C10orf90: variants seen among roughly 807,000 people sequenced by gnomAD.
C10orf90 encodes the protein chromosome 10 open reading frame 90.
A neutral mutation model predicts 62.5 loss-of-function variants in C10orf90; 56 were observed. The observed-to-expected ratio is 0.90, with a 90% confidence interval of 0.72 to 1.12. The LOEUF is 1.12. Among genes scored for constraint, C10orf90 ranks in the 50% most tolerant of loss-of-function variants. The pLI, the probability that C10orf90 is intolerant of heterozygous loss-of-function variation, is 0.00. For missense variants in C10orf90, 970 were observed against 880.4 expected (o/e 1.10, Z -1.29); for synonymous variants, 386 against 340.4 (o/e 1.13, Z -1.47).
At chr10:126,491,689 C>T (rs1861782129) in intron 4 of C10orf90, among the ~76,000 whole-genome samples, 2 of 152,110 alleles carry the variant, frequency 1.3e-5, no homozygotes. Context: ...ATTCAAGTTG[C>T]GTGAGAATTT....
chr10:126,555,680 G>A (rs199581782), intron 2 of C10orf90, among the ~76,000 whole-genome samples: 2 of 136,468 alleles, frequency 1.5e-5, no homozygotes, highest in East Asian at 4.3e-4. Flanking sequence ...CTCTATCTCA[G>A]TAAATAAATA....
intron 7 of C10orf90, 108 bp downstream of exon 7, chr10:126,458,932 G>A (rs140181291): frequency 3.9e-4 from 462 of 1,193,252 alleles, no homozygotes; most frequent in East Asian, 1.5e-3. Context: ...CAGGTTCTGC[G>A]TATGTCAGTG....
At chr10:126,503,187 C>T (rs1862502120) in intron 4 of C10orf90, among the ~76,000 whole-genome samples, 1 of 152,166 alleles carries the variant, frequency 6.6e-6, no homozygotes. Flanking sequence ...AGAAATCTGG[C>T]CTCTTTCTTC....
Position 126,628,188 on chromosome 10 carries a change from T to C in C10orf90, c.313+18377A>G, listed in dbSNP as rs78342933. 5.4e-3 allele frequency among the ~76,000 whole-genome samples: 818 copies of C among 152,324 alleles called. 11 individuals are homozygous for C. The highest frequency in any genetic ancestry group is 0.018 in the African/African-American group (736 of 41,578). ...TGTGTTCTGTGGCTCAGTTTTCTTA[T>C]TGGACAAATGAGACAAGGCAGCCTC... On this transcript the variant is annotated intron_variant, in intron 2 of 9. Coordinates refer to ENST00000488181, the MANE Select transcript of C10orf90 (RefSeq NM_001350921.2).
intron 2 of C10orf90, among the ~76,000 whole-genome samples, chr10:126,614,332 C>T (rs554795509): frequency 1.3e-5 from 2 of 152,130 alleles, no homozygotes; most frequent in East Asian, 3.9e-4. Flanking sequence ...TGTCTAGTCA[C>T]CATTAAGGGA....
intron 7 of C10orf90, among the ~76,000 whole-genome samples, chr10:126,438,352 T>C (rs1053977446): frequency 2.0e-5 from 3 of 152,214 alleles, no homozygotes; most frequent in African/African-American, 7.2e-5. Context: ...TGGCAAAGCA[T>C]TGCAGATTCC....
At chr10:126,495,418 G>A (rs2133852881) in intron 4 of C10orf90, among the ~76,000 whole-genome samples, 1 of 152,312 alleles carries the variant, frequency 6.6e-6, no homozygotes, top group African/African-American at 2.4e-5. Context: ...TACCACCTAA[G>A]GTCAATAGAA....
intron 2 of C10orf90, among the ~76,000 whole-genome samples, chr10:126,615,482 C>A (rs1023551854): frequency 5.9e-5 from 9 of 152,028 alleles, no homozygotes; most frequent in Non-Finnish European, 1.0e-4. Flanking sequence ...TAGCCATTAT[C>A]TATGAAAAAA....
chr10:126,426,189 G>A (rs934097872), intron 8 of C10orf90, 99 bp from the exon 9 acceptor site: 8 of 978,228 alleles, frequency 8.2e-6, no homozygotes, highest in African/African-American at 8.0e-5. Flanking sequence ...ACATTTCAAA[G>A]AGAAGATCGC....
chr10:126,521,934 C>G (rs1261992400), intron 2 of C10orf90, among the ~76,000 whole-genome samples: 2 of 152,184 alleles, frequency 1.3e-5, no homozygotes, highest in East Asian at 3.9e-4. Flanking sequence ...ACATAATGAG[C>G]TGGAGAAGTC....
At chr10:126,564,155 T>C (rs919923927) in intron 2 of C10orf90, among the ~76,000 whole-genome samples, 2 of 152,054 alleles carry the variant, frequency 1.3e-5, no homozygotes, top group Non-Finnish European at 2.9e-5. Flanking sequence ...CCACAGGCCC[T>C]GTAGATCTGC....
chr10:126,441,820 A>G (rs1199955034), intron 7 of C10orf90, among the ~76,000 whole-genome samples: 1 of 152,190 alleles, frequency 6.6e-6, no homozygotes, highest in African/African-American at 2.4e-5. Context: ...AGTATTTTTC[A>G]GATAAACAAA....
chr10:126,524,065 C>T (rs1446716103), intron 2 of C10orf90, among the ~76,000 whole-genome samples: 2 of 152,090 alleles, frequency 1.3e-5, no homozygotes, highest in Non-Finnish European at 2.9e-5. Context: ...ATTTCAATTC[C>T]TTCTTAAGAA....
chr10:126,465,071 C>T (rs898237050), intron 4 of C10orf90, 85 bp from the exon 5 acceptor site: 22 of 1,433,852 alleles, frequency 1.5e-5, no homozygotes, highest in Middle Eastern at 2.1e-4. Flanking sequence ...GTGCTTTTCT[C>T]GGGACAGACT....
chr10:126,569,359 G>A lies in C10orf90; in HGVS notation c.314-55420C>T, dbSNP rs369495442. On this transcript the variant is annotated intron_variant, in intron 2 of 9. Transcript: ENST00000488181. ...GCAGCACAGATCCTTACAATAAACT[G>A]TCTTTATGGGGAGGAGCATGAGTGA... Among the ~76,000 whole-genome samples the A allele has an allele frequency of 2.8e-4, 43 of 152,222 alleles. No homozygotes were observed. The South Asian group carries it at 6.0e-3, about 21-fold the overall frequency.
intron 2 of C10orf90, among the ~76,000 whole-genome samples, chr10:126,585,487 A>ATGG (rs1844851596): frequency 1.7e-5 from 1 of 59,416 alleles, no homozygotes. Flanking sequence ...GGGGAAGGAG[A>ATGG]AAAGGAGGAA....
chr10:126,565,129 A>T (rs1844318448), intron 2 of C10orf90, among the ~76,000 whole-genome samples: 5 of 36,382 alleles, frequency 1.4e-4, no homozygotes, highest in African/African-American at 2.9e-4. Flanking sequence ...ATAATATATA[A>T]TATAAATATA....
rs115718326 is a variant in C10orf90, at chr10:126,603,291, C to G, written c.313+43274G>C. 4.5e-3 allele frequency among the ~76,000 whole-genome samples: 681 copies of G among 152,220 alleles called. 5 individuals carry two copies. The highest frequency in any genetic ancestry group is 0.016 in the African/African-American group (652 of 41,534). On this transcript the variant is annotated intron_variant, in intron 2 of 9. Coordinates refer to ENST00000488181, the MANE Select transcript of C10orf90 (RefSeq NM_001350921.2). Reference sequence around the variant, plus strand: ...GGCGAAGCAAACATGTCCTTCTTCACGTGGCGGCATCAAGGAGAAGTGCTG... The same window carrying G: ...GGCGAAGCAAACATGTCCTTCTTCAGGTGGCGGCATCAAGGAGAAGTGCTG...
Position 126,470,201 on chromosome 10 carries a change from G to A in C10orf90, c.1535-5215C>T, listed in dbSNP as rs145791200. 1.0e-5 allele frequency: 4 copies of A among 389,148 alleles called. No homozygotes were observed. In the East Asian group the frequency reaches 2.9e-4, roughly 28 times the overall value. The allele number at this position is 389,148 out of a possible 1,614,324, so 24.1% of individuals were successfully genotyped here. Reference sequence around the variant, plus strand: ...GGCATTTTTCTGCATGTTGCATGCTGCAGAGGAGGAGGGAAGGCATTCTTC... The same window carrying A: ...GGCATTTTTCTGCATGTTGCATGCTACAGAGGAGGAGGGAAGGCATTCTTC... On this transcript the variant is annotated intron_variant, in intron 4 of 9. Transcript: ENST00000488181.
Sources: allele counts gnomAD v4.1 joint callset (sites outside exome capture counted in the v4.1 genomes callset), GRCh38; gene constraint gnomAD v4.1.1; transcripts MANE v1.5; gene names NCBI Gene and HGNC (gene_info 2026-07-23, HGNC 2026-07-21).